The following C14orf93 variants were observed in gnomAD, a reference collection of about 807,000 sequenced individuals.
The protein encoded by C14orf93 is chromosome 14 open reading frame 93.
C14orf93 carries 23 observed loss-of-function variants against 44.0 expected under a neutral mutation model. The ratio of observed to expected loss-of-function variants is 0.52; its 90% CI spans 0.38 to 0.74. C14orf93 has a LOEUF of 0.74. Among genes scored for constraint, C14orf93 ranks in the 30% least tolerant of loss-of-function variants. C14orf93 has a pLI of 0.00. For synonymous variants in C14orf93, 253 were observed against 265.7 expected, an observed-to-expected ratio of 0.95 and a Z score of 0.46; for missense variants, 579 against 678.9, an observed-to-expected ratio of 0.85 and a Z score of 1.64.
At chr14:23,008,823 C>A (rs571648559) in intron 1 of C14orf93, among the ~76,000 whole-genome samples, 1 of 152,330 alleles carries the variant, frequency 6.6e-6, no homozygotes, top group Admixed American at 6.5e-5. Flanking sequence ...AAAGGCATTT[C>A]TTATCCCTTC....
chr14:22,997,937 C>T (rs2046087584), intron 2 of C14orf93, among the ~76,000 whole-genome samples: 2 of 151,792 alleles, frequency 1.3e-5, no homozygotes, highest in East Asian at 3.9e-4. Context: ...TGTCTCTTTC[C>T]CTCCCTATAC....
chr14:23,001,393 ACT>A (rs1304137089), intron 1 of C14orf93, among the ~76,000 whole-genome samples: 1 of 152,064 alleles, frequency 6.6e-6, no homozygotes, highest in African/African-American at 2.4e-5. Flanking sequence ...TCACGCACTT[ACT>A]CTTTCTTGCA....
At chr14:22,989,471 A>T (rs1424563446) in intron 5 of C14orf93, among the ~76,000 whole-genome samples, 2 of 152,226 alleles carry the variant, frequency 1.3e-5, no homozygotes, top group Non-Finnish European at 2.9e-5. Context: ...GTAACACCTT[A>T]GGTGCAAGAC....
chr14:22,998,786 G>C lies in C14orf93; in HGVS notation c.238C>G (p.Leu80Val), dbSNP rs764776575. 1.2e-6 allele frequency: 2 copies of C among 1,614,198 alleles called. No individual in the cohort carries two copies. The highest frequency in any genetic ancestry group is 3.3e-5 in the Admixed American group (2 of 60,036). The stretch of plus-strand genomic sequence containing the variant: ...TCATTGTTGGCCCTGGCAAGACCCA[G>C]AGCAGCTTCAGCCAAACCCACTGCC... ...DKAVGLAEAA[L>V]GLARANNELL... Residue 80 changes from leucine to valine, a missense_variant, in exon 2 of 7, where the codon CTG (leucine) becomes GTG (valine). Coordinates refer to ENST00000299088, the MANE Select transcript of C14orf93 (RefSeq NM_021944.4).
At chr14:22,990,259 TC>T in intron 3 of C14orf93, 132 bp from the exon 4 acceptor site, 1 of 687,352 alleles carries the variant, frequency 1.5e-6, no homozygotes, top group Non-Finnish European at 2.4e-6. Context: ...CAAGAGCCTA[TC>T]CAAGTTACTA....
intron 2 of C14orf93, among the ~76,000 whole-genome samples, chr14:22,997,548 C>T (rs1299778039): frequency 6.6e-6 from 1 of 152,160 alleles, no homozygotes; most frequent in East Asian, 1.9e-4. Flanking sequence ...GTTGCTCCAT[C>T]TCCTTTTCAT....
chr14:23,008,512 A>G (rs181173709), intron 1 of C14orf93, among the ~76,000 whole-genome samples: 2 of 152,220 alleles, frequency 1.3e-5, no homozygotes, highest in Admixed American at 1.3e-4. Context: ...TAAATTCTAC[A>G]GTAGATTTTT....
intron 3 of C14orf93, among the ~76,000 whole-genome samples, chr14:22,991,744 G>A (rs2045648427): frequency 6.6e-6 from 1 of 151,696 alleles, no homozygotes; most frequent in Non-Finnish European, 1.5e-5. Flanking sequence ...GCTAATTTTT[G>A]TATTTTTAGT....
chr14:23,008,415 G>A (rs2046742282), intron 1 of C14orf93, among the ~76,000 whole-genome samples: 1 of 152,152 alleles, frequency 6.6e-6, no homozygotes, highest in Non-Finnish European at 1.5e-5. Flanking sequence ...TCAGTATTTA[G>A]GAGTCAAATA....
chr14:22,990,204 A>C, intron 3 of C14orf93, 77 bp from the exon 4 acceptor site: 1 of 1,322,284 alleles, frequency 7.6e-7, no homozygotes, highest in South Asian at 1.2e-5. Context: ...CTAGGGTAAA[A>C]AGGTATTGTC....
At chr14:22,995,885 C>T (rs2045942957) in intron 3 of C14orf93, 63 bp downstream of exon 3, 4 of 1,463,622 alleles carry the variant, frequency 2.7e-6, no homozygotes, top group Non-Finnish European at 3.7e-6. Flanking sequence ...AATCAACCCA[C>T]CCATCACTCT....
In C14orf93 at chr14:22,998,883, T is replaced by C. The variant is rs1044338871; in HGVS notation, c.141A>G (p.Thr47=). The part of the protein sequence containing the change: ...GGNPPPSTPI[T]VTGHGLAVQS... The stretch of plus-strand genomic sequence containing the variant: ...GAACAGCCAAGCCATGTCCAGTCAC[T>C]GTGATGGGGGTGCTGGGAGGAGGAT... The change falls in exon 2 of 7, where the codon ACA becomes ACG. Residue 47 remains threonine (T), a synonymous_variant. Transcript: ENST00000299088. The C allele has an allele frequency of 3.7e-6, 6 of 1,613,434 alleles. No homozygotes were observed. In the African/African-American group the frequency reaches 4.0e-5, roughly 11 times the overall value.
intron 3 of C14orf93, among the ~76,000 whole-genome samples, chr14:22,990,599 A>G (rs2045547941): frequency 6.6e-6 from 1 of 150,618 alleles, no homozygotes; most frequent in Non-Finnish European, 1.5e-5. Context: ...CCTCTCGAGT[A>G]GCTCAGAGTA....
At chr14:23,009,961 A>C (rs2139875454) in intron 1 of C14orf93, 140 bp downstream of exon 1, 1 of 152,312 alleles carries the variant, frequency 6.6e-6, no homozygotes, top group Non-Finnish European at 1.5e-5. Context: ...AGAGGAAGAG[A>C]GACAGAAAAA....
At position 22,992,388 on chromosome 14, in the gene C14orf93, C is replaced by G. The variant is rs545543582; in HGVS notation, c.919-2261G>C. 6.0e-5 allele frequency among the ~76,000 whole-genome samples: 9 copies of G among 151,028 alleles called. No individual in the cohort carries two copies. In the South Asian group the frequency reaches 1.9e-3, roughly 32 times the overall value. ...GGCTGAGACAGAGGAATTGCTTGAA[C>G]CCAGGAGGCGGAGGTTGCAGTGAGC... On this transcript the variant is annotated intron_variant, in intron 3 of 6. Transcript: ENST00000299088.
At chr14:23,001,398 T>C (rs1360289507) in intron 1 of C14orf93, among the ~76,000 whole-genome samples, 1 of 152,218 alleles carries the variant, frequency 6.6e-6, no homozygotes, top group Non-Finnish European at 1.5e-5. Flanking sequence ...CACTTACTCT[T>C]TCTTGCAAGA....
At position 22,996,117 on chromosome 14, in the gene C14orf93, C is replaced by G; in HGVS notation, c.749G>C (p.Arg250Pro). ...PENGTKLPPP[R>P]PEDMLNAAAA... ...AGCGGCATTGAGCATGTCCTCAGGGCGGGGTGGTGGCAGCTTGGTTCCATT... is the reference window on the plus strand; with the variant it reads ...AGCGGCATTGAGCATGTCCTCAGGGGGGGGTGGTGGCAGCTTGGTTCCATT... The change falls in exon 3 of 7, where the codon CGC (arginine) becomes CCC (proline). Residue 250 changes from arginine (R) to proline (P), a missense_variant. Transcript: ENST00000299088. The surrounding 1 kb of genome is among the most constrained non-coding windows in gnomAD (Gnocchi z 4.1). The G allele has an allele frequency of 6.2e-7, 1 of 1,613,818 alleles. No homozygotes were observed. The highest frequency in any genetic ancestry group is 8.5e-7 in the Non-Finnish European group (1 of 1,179,902).
Position 22,987,390 on chromosome 14 carries a change from G to C in C14orf93, c.1442C>G (p.Pro481Arg). ...TGGAAGGAGCTGGGCTTCAGCAGAA[G>C]GCAGTCTGTCTGAGGGAGGCCCATA... ...RVYGPPSDRL[P>R]SAEAQLLPPE... Residue 481 changes from proline to arginine, a missense_variant, in exon 7 of 7, where the codon CCT (proline) becomes CGT (arginine). Coordinates refer to ENST00000299088, the MANE Select transcript of C14orf93 (RefSeq NM_021944.4). The surrounding 1 kb of genome is among the most constrained non-coding windows in gnomAD (Gnocchi z 5.6). 1 of 1,614,252 alleles carries C rather than the reference G, an allele frequency of 6.2e-7. No individual in the cohort carries two copies.
intron 1 of C14orf93, chr14:23,007,244 A>G (rs2046671244): frequency 6.6e-6 from 1 of 152,238 alleles, no homozygotes; most frequent in African/African-American, 2.4e-5. Flanking sequence ...GGTCACGGAC[A>G]CTATTGGCTG....
Sources: allele counts gnomAD v4.1 joint callset (sites outside exome capture counted in the v4.1 genomes callset), GRCh38; gene constraint gnomAD v4.1.1; non-coding constraint Gnocchi (gnomAD v3.1); transcripts MANE v1.5; gene names NCBI Gene and HGNC (gene_info 2026-07-23, HGNC 2026-07-21).